HEMK2: variants seen among roughly 807,000 people sequenced by gnomAD.
The protein encoded by HEMK2 is methyltransferase HEMK2.
At chr21:28,814,708 T>G in the HEMK2 span, among the ~76,000 whole-genome samples, 6 of 152,222 alleles carry the variant, frequency 3.9e-5, no homozygotes, top group South Asian at 2.1e-4. Context: ...TTAGAATGGC[T>G]ATCATTAAAA....
At chr21:28,601,604 ATCTCTCTCTCTCTCTCTC>A in the HEMK2 span, among the ~76,000 whole-genome samples, 5 of 126,698 alleles carry the variant, frequency 3.9e-5, no homozygotes, top group Admixed American at 8.2e-5. Context: ...ACCTTCTGAC[ATCTCTCTCTCTCTCTCTC>A]TCTCTCTCTC....
the HEMK2 span, among the ~76,000 whole-genome samples, chr21:28,756,129 C>T: frequency 1.8e-4 from 28 of 152,288 alleles, no homozygotes; most frequent in African/African-American, 6.5e-4. Context: ...TACCAGTGGC[C>T]ACAGATATAC....
the HEMK2 span, among the ~76,000 whole-genome samples, chr21:28,686,215 T>C: frequency 6.6e-6 from 1 of 152,106 alleles, no homozygotes; most frequent in Non-Finnish European, 1.5e-5. Context: ...TTTTGTTTTT[T>C]TGTTTTTGTT....
the HEMK2 span, among the ~76,000 whole-genome samples, chr21:28,660,277 C>T: frequency 2.6e-5 from 4 of 151,632 alleles, no homozygotes; most frequent in East Asian, 7.7e-4. Flanking sequence ...ATAGTTTTTA[C>T]TTCTTTTTAT....
chr21:28,636,048 C>G, the HEMK2 span, among the ~76,000 whole-genome samples: 1 of 152,148 alleles, frequency 6.6e-6, no homozygotes, highest in South Asian at 2.1e-4. Context: ...AGTAGAGACC[C>G]TTATCCACAC....
chr21:28,618,426 G>A, the HEMK2 span, among the ~76,000 whole-genome samples: 1 of 152,124 alleles, frequency 6.6e-6, no homozygotes, highest in Non-Finnish European at 1.5e-5. Flanking sequence ...TTGACACATA[G>A]TTCATAGTTT....
At chr21:28,648,273 C>G in the HEMK2 span, among the ~76,000 whole-genome samples, 1 of 152,192 alleles carries the variant, frequency 6.6e-6, no homozygotes, top group Non-Finnish European at 1.5e-5. Flanking sequence ...GACCCACTTT[C>G]CACTGGAAAA....
chr21:28,845,314 C>T, the HEMK2 span, among the ~76,000 whole-genome samples: 1 of 152,212 alleles, frequency 6.6e-6, no homozygotes, highest in South Asian at 2.1e-4. Context: ...TTCCCAACCA[C>T]ATGATTATGA....
At chr21:28,782,274 A>T in the HEMK2 span, among the ~76,000 whole-genome samples, 349 of 152,306 alleles carry the variant, frequency 2.3e-3, 2 homozygotes, top group African/African-American at 8.0e-3. Context: ...TTCACCTAAT[A>T]CTATAATATA....
chr21:28,667,679 TA>T, the HEMK2 span, among the ~76,000 whole-genome samples: 2 of 151,986 alleles, frequency 1.3e-5, no homozygotes, highest in African/African-American at 4.8e-5. Flanking sequence ...GTTACAAAAG[TA>T]AAAGAGGGTG....
the HEMK2 span, among the ~76,000 whole-genome samples, chr21:28,808,494 C>A: frequency 6.6e-6 from 1 of 150,494 alleles, no homozygotes; most frequent in Non-Finnish European, 1.5e-5. Context: ...AACATCTCAA[C>A]AATATTGAAT....
chr21:28,849,659 G>A, the HEMK2 span, among the ~76,000 whole-genome samples: 1,253 of 152,232 alleles, frequency 8.2e-3, 11 homozygotes, highest in Admixed American at 0.018. Flanking sequence ...ACACGAAATC[G>A]CCATTTTAAG....
chr21:28,654,345 C>T, the HEMK2 span, among the ~76,000 whole-genome samples: 2 of 152,126 alleles, frequency 1.3e-5, no homozygotes, highest in Non-Finnish European at 2.9e-5. Context: ...TTGAAGTCTA[C>T]TAACAGCTTT....
At chr21:28,626,933 C>T in the HEMK2 span, among the ~76,000 whole-genome samples, 10 of 152,226 alleles carry the variant, frequency 6.6e-5, 1 homozygote, top group South Asian at 2.1e-3. Context: ...AACATTTTTA[C>T]ATGAATGTCT....
the HEMK2 span, among the ~76,000 whole-genome samples, chr21:28,857,887 C>T: frequency 3.3e-5 from 5 of 152,204 alleles, no homozygotes; most frequent in African/African-American, 1.2e-4. Flanking sequence ...ACAGGGTCCA[C>T]ACAGTCCACT....
the HEMK2 span, among the ~76,000 whole-genome samples, chr21:28,756,879 C>T: frequency 2.6e-5 from 4 of 152,194 alleles, no homozygotes; most frequent in African/African-American, 7.2e-5. Flanking sequence ...AGCTTTTTCT[C>T]AAGAAGGGTG....
the HEMK2 span, among the ~76,000 whole-genome samples, chr21:28,777,659 G>T: frequency 6.6e-6 from 1 of 152,194 alleles, no homozygotes; most frequent in Non-Finnish European, 1.5e-5. Context: ...CAGAATTAAA[G>T]AACACGTTTG....
the HEMK2 span, among the ~76,000 whole-genome samples, chr21:28,606,508 G>T: frequency 6.6e-6 from 1 of 151,990 alleles, no homozygotes; most frequent in Non-Finnish European, 1.5e-5. Flanking sequence ...AACAAGGAAG[G>T]CAGGATAAAA....
At chr21:28,637,453 T>TAA in the HEMK2 span, among the ~76,000 whole-genome samples, 16 of 143,602 alleles carry the variant, frequency 1.1e-4, 1 homozygote, top group South Asian at 1.8e-3. Context: ...TAACAGAAAT[T>TAA]AAAAAAAAAA....
Sources: allele counts gnomAD v4.1 joint callset (sites outside exome capture counted in the v4.1 genomes callset), GRCh38; gene constraint gnomAD v4.1.1; transcripts MANE v1.5; gene names NCBI Gene and HGNC (gene_info 2026-07-23, HGNC 2026-07-21).